Variants in TNRC6A observed in about 807,000 individuals in gnomAD.
The protein encoded by TNRC6A is trinucleotide repeat-containing gene 6A protein.
Under a neutral mutation model 221.2 loss-of-function variants are expected in TNRC6A, and 44 were observed. The observed-to-expected ratio is 0.20, with a 90% CI of 0.16 to 0.26. The LOEUF is 0.26. Ranked by LOEUF, TNRC6A falls within the 10% of genes least tolerant of loss-of-function variation. The pLI, the probability that TNRC6A is intolerant of heterozygous loss-of-function variation, is 1.00. For missense variants in TNRC6A, 2,199 were observed against 2,404.4 expected, an observed-to-expected ratio of 0.91 and a Z score of 1.79; for synonymous variants, 847 against 838.5, an observed-to-expected ratio of 1.01 and a Z score of -0.18.
At chr16:24,643,276 T>C (rs749434878) in intron 2 of TNRC6A, among the ~76,000 whole-genome samples, 34 of 151,478 alleles carry the variant, frequency 2.2e-4, no homozygotes, top group Non-Finnish European at 4.9e-4. Context: ...TATTGCTTCT[T>C]TCCTTTTGTC....
chr16:24,726,124 G>C (rs1299528110), upstream of TNRC6A, among the ~76,000 whole-genome samples: 2 of 152,122 alleles, frequency 1.3e-5, no homozygotes, highest in East Asian at 3.8e-4. Context: ...AATAAATACT[G>C]TGTGAGTGAA....
chr16:24,813,177 T>A (rs2058584660), intron 18 of TNRC6A, among the ~76,000 whole-genome samples: 1 of 152,108 alleles, frequency 6.6e-6, no homozygotes, highest in Non-Finnish European at 1.5e-5. Context: ...ATGCCTTGCC[T>A]TGTTTTATTT....
At chr16:24,680,956 A>G (rs888311393) in intron 2 of TNRC6A, among the ~76,000 whole-genome samples, 1 of 151,394 alleles carries the variant, frequency 6.6e-6, no homozygotes, top group South Asian at 2.1e-4. Flanking sequence ...TTTTTGAGAG[A>G]CTAGGTCTCA....
chr16:24,668,196 C>T (rs374758052), intron 2 of TNRC6A, among the ~76,000 whole-genome samples: 11 of 151,782 alleles, frequency 7.2e-5, no homozygotes, highest in Admixed American at 5.3e-4. Flanking sequence ...GGCGTGGTGG[C>T]GCATGCCTGT....
At chr16:24,663,694 C>T (rs1056244587) in intron 2 of TNRC6A, 1 of 334,222 alleles carries the variant, frequency 3.0e-6, no homozygotes, top group Admixed American at 4.0e-5. Context: ...TGTGTGACAA[C>T]ACACGCAAAA....
intron 11 of TNRC6A, 147 bp downstream of exon 11, chr16:24,798,113 C>A: frequency 1.8e-6 from 1 of 567,920 alleles, no homozygotes; most frequent in Admixed American, 3.4e-5. Context: ...TAAATGAGTG[C>A]ATGTGCCTTG....
chr16:24,638,652 G>A (rs1411053242), intron 1 of TNRC6A, among the ~76,000 whole-genome samples: 1 of 152,006 alleles, frequency 6.6e-6, no homozygotes, highest in Non-Finnish European at 1.5e-5. Flanking sequence ...GGCGGAGGTT[G>A]CAGTGAGCTG....
chr16:24,781,566 C>G (rs1473237230), intron 5 of TNRC6A, among the ~76,000 whole-genome samples: 1 of 152,190 alleles, frequency 6.6e-6, no homozygotes, highest in Non-Finnish European at 1.5e-5. Context: ...CCTCCCAAGG[C>G]TTTGTTTCAG....
intron 2 of TNRC6A, among the ~76,000 whole-genome samples, chr16:24,666,471 CA>C (rs765727823): frequency 0.22 from 18,741 of 83,880 alleles, 1,566 homozygotes; most frequent in East Asian, 0.37. Flanking sequence ...GACTCCGTCT[CA>C]AAAAAAAAAA....
intron 2 of TNRC6A, among the ~76,000 whole-genome samples, chr16:24,671,251 C>T (rs1013711282): frequency 6.6e-6 from 1 of 152,120 alleles, no homozygotes; most frequent in Non-Finnish European, 1.5e-5. Context: ...ATGGGTGAGG[C>T]TAAACTCCAG....
At chr16:24,716,621 C>A (rs1014206451) in intron 2 of TNRC6A, among the ~76,000 whole-genome samples, 1 of 151,986 alleles carries the variant, frequency 6.6e-6, no homozygotes, top group Non-Finnish European at 1.5e-5. Flanking sequence ...ACCATGTTCA[C>A]GCCACTGCAT....
chr16:24,719,214 A>G (rs1733497302), intron 2 of TNRC6A, among the ~76,000 whole-genome samples: 3 of 152,122 alleles, frequency 2.0e-5, no homozygotes, highest in Admixed American at 2.0e-4. Flanking sequence ...TTACAAAAAA[A>G]TCAGGAGTAC....
intron 1 of TNRC6A, among the ~76,000 whole-genome samples, chr16:24,623,598 T>C (rs1262784692): frequency 6.6e-6 from 1 of 151,834 alleles, no homozygotes; most frequent in East Asian, 1.9e-4. Context: ...TATTTAAAAA[T>C]TATGAAGAAT....
chr16:24,773,196 T>C (rs1460001247), intron 4 of TNRC6A, among the ~76,000 whole-genome samples: 1 of 152,226 alleles, frequency 6.6e-6, no homozygotes, highest in Non-Finnish European at 1.5e-5. Context: ...TATGTTCTTG[T>C]TGGAAATAAG....
At chr16:24,758,626 C>T (rs2057300789) in intron 4 of TNRC6A, among the ~76,000 whole-genome samples, 1 of 152,016 alleles carries the variant, frequency 6.6e-6, no homozygotes, top group South Asian at 2.1e-4. Flanking sequence ...AATGTACTCC[C>T]TTGTTTTGAC....
intron 17 of TNRC6A, among the ~76,000 whole-genome samples, chr16:24,807,542 T>G (rs2058459805): frequency 6.6e-6 from 1 of 152,178 alleles, no homozygotes; most frequent in African/African-American, 2.4e-5. Context: ...ACTTGAAGTT[T>G]TAACTACTGT....
intron 1 of TNRC6A, 93 bp downstream of exon 1, chr16:24,729,939 CGCCG>C: frequency 9.9e-6 from 11 of 1,113,620 alleles, no homozygotes; most frequent in Non-Finnish European, 1.1e-5. Flanking sequence ...GAGGCGGCGG[CGCCG>C]GGCGTCCCCG....
chr16:24,740,977 A>T (rs1417654011), intron 2 of TNRC6A, among the ~76,000 whole-genome samples: 1 of 152,108 alleles, frequency 6.6e-6, no homozygotes, highest in East Asian at 1.9e-4. Flanking sequence ...CAGCCAATTG[A>T]TTTTTGTATG....
At chr16:24,610,849 C>T (rs529311900) in intron 1 of TNRC6A, among the ~76,000 whole-genome samples, 2 of 152,148 alleles carry the variant, frequency 1.3e-5, no homozygotes, top group South Asian at 2.1e-4. Flanking sequence ...CTCGCTCCGT[C>T]GCCCAGGCTG....
Sources: allele counts gnomAD v4.1 joint callset (sites outside exome capture counted in the v4.1 genomes callset), GRCh38; gene constraint gnomAD v4.1.1; transcripts MANE v1.5; gene names NCBI Gene and HGNC (gene_info 2026-07-23, HGNC 2026-07-21).